SRSF7: variants seen among roughly 807,000 people sequenced by gnomAD.
SRSF7 encodes the protein serine and arginine rich splicing factor 7, also known as serine/arginine-rich splicing factor 7.
A neutral mutation model predicts 42.2 loss-of-function variants in SRSF7; 15 were observed. That is an observed-to-expected ratio of 0.36 (90% CI 0.24 to 0.55). SRSF7 has a LOEUF of 0.55. Ranked by LOEUF, SRSF7 falls within the 20% of genes least tolerant of loss-of-function variation. The probability of loss-of-function intolerance (pLI) is 0.88; values close to 1 mark genes in which losing one functional copy is unlikely to be tolerated. For synonymous variants in SRSF7, 138 were observed against 107.9 expected (o/e 1.28, Z -1.73); for missense variants, 181 against 305.9 (o/e 0.59, Z 3.04).
chr2:38,745,136 G>A lies in SRSF7; in HGVS notation c.714C>T (p.Asp238=). Residue 238 remains aspartate, a synonymous_variant, in exon 8 of 8, where the codon GAC becomes GAT. Coordinates refer to ENST00000313117, the MANE Select transcript of SRSF7 (RefSeq NM_001031684.3). ...PRRSASPERM[D] ...CTAAAGGGTGAACTTGAGAGCTTCA[G>A]TCCATTCTTTCAGGACTTGCACTTC... 6.2e-7 allele frequency: 1 copy of A among 1,614,142 alleles called. No homozygotes were observed. Among genetic ancestry groups the A allele is most frequent in the Admixed American group, 1.7e-5 (1 of 60,014 alleles).
At position 38,744,820 on chromosome 2, in the gene SRSF7, G is replaced by C; in HGVS notation, c.*313C>G. On this transcript the variant is annotated 3_prime_UTR_variant, in exon 8 of 8. Coordinates refer to ENST00000313117, the MANE Select transcript of SRSF7 (RefSeq NM_001031684.3). ...TCTGAATGTAGGTATGTATGAATAA[G>C]GTTAACAATTATAATGTCTGACTCT... 1 of 280,948 alleles carries C rather than the reference G, an allele frequency of 3.6e-6. No individual in the cohort carries two copies. 17.4% of individuals were successfully genotyped at this position (280,948 alleles called of 1,614,324 possible).
chr2:38,745,078 C>A lies in SRSF7; in HGVS notation c.*55G>T. The A allele has an allele frequency of 1.3e-6, 2 of 1,564,188 alleles. No individual in the cohort carries two copies. The highest frequency in any genetic ancestry group is 1.8e-6 in the Non-Finnish European group (2 of 1,137,076). On this transcript the variant is annotated 3_prime_UTR_variant, in exon 8 of 8. Coordinates refer to ENST00000313117, the MANE Select transcript of SRSF7 (RefSeq NM_001031684.3). ...GTTACACTTTACAGACATCACAAATCCCTTATAATAATGTAAACAAAATAA... is the reference window on the plus strand; with the variant it reads ...GTTACACTTTACAGACATCACAAATACCTTATAATAATGTAAACAAAATAA...
At chr2:38,746,890 A>G (rs1667503088) in intron 5 of SRSF7, 143 bp from the exon 6 acceptor site, 6 of 1,364,984 alleles carry the variant, frequency 4.4e-6, no homozygotes, top group Non-Finnish European at 4.9e-6. Context: ...TGTCTAACAC[A>G]CTGTCAAACA....
intron 1 of SRSF7, chr2:38,750,851 T>G: frequency 3.7e-6 from 1 of 273,450 alleles, no homozygotes; most frequent in South Asian, 4.0e-5. Context: ...TCCGCTGAAG[T>G]GGCGGGAAAG....
upstream of SRSF7, chr2:38,751,466 G>C (rs1572573765): frequency 1.6e-6 from 1 of 627,090 alleles, no homozygotes. Flanking sequence ...AAACAGCCAA[G>C]AAACGACGCG....
chr2:38,751,446 A>T (rs1351787215), upstream of SRSF7: 2 of 728,420 alleles, frequency 2.7e-6, no homozygotes, highest in South Asian at 1.7e-5. Flanking sequence ...GGCACAAAGG[A>T]GCTGGGCGGA....
chr2:38,749,960 TTATC>T, intron 2 of SRSF7, 50 bp downstream of exon 2: 3 of 1,534,374 alleles, frequency 2.0e-6, no homozygotes, highest in Non-Finnish European at 2.6e-6. Context: ...ACTAAGTTCA[TTATC>T]TAGCCACAGT....
Position 38,751,358 on chromosome 2 carries a change from C to A in SRSF7, c.-102G>T. The A allele has an allele frequency of 6.5e-7, 1 of 1,544,700 alleles. No individual in the cohort carries two copies. The highest frequency in any genetic ancestry group is 1.4e-5 in the African/African-American group (1 of 73,632). On this transcript the variant is annotated 5_prime_UTR_variant, in exon 1 of 8. Coordinates refer to ENST00000313117, the MANE Select transcript of SRSF7 (RefSeq NM_001031684.3). ...TCACCCGCCAAGAGTCCCGGCGGCA[C>A]TACGAGGAAGAGCCCGGGTTCGCGT...
Position 38,743,803 on chromosome 2 carries a change from T to G in SRSF7, c.*1330A>C. Reference sequence around the variant, plus strand: ...CTAGCGGTCAAACTACCGAATAAACTTGATGCAGACCAGTATTCCCAAGTT... The same window carrying G: ...CTAGCGGTCAAACTACCGAATAAACGTGATGCAGACCAGTATTCCCAAGTT... On this transcript the variant is annotated 3_prime_UTR_variant, in exon 8 of 8. Coordinates refer to ENST00000313117, the MANE Select transcript of SRSF7 (RefSeq NM_001031684.3). The G allele has an allele frequency of 6.6e-6, 1 of 152,554 alleles. No homozygotes were observed. Among genetic ancestry groups the G allele is most frequent in the Non-Finnish European group, 1.5e-5 (1 of 68,046 alleles). The allele number at this position is 152,554 out of a possible 1,614,324, so 9.5% of individuals were successfully genotyped here. A position where few individuals can be genotyped will look rare whatever the true frequency, so the allele number is the denominator to read the frequency against.
At chr2:38,749,056 G>C in intron 3 of SRSF7, 1 of 1,306,564 alleles carries the variant, frequency 7.7e-7, no homozygotes, top group Non-Finnish European at 1.0e-6. Context: ...ATTGACGCAA[G>C]AAGATTTTTC....
intron 3 of SRSF7, chr2:38,749,034 A>C: frequency 1.5e-6 from 2 of 1,299,320 alleles, no homozygotes; most frequent in Non-Finnish European, 2.0e-6. Context: ...CAAATGAGCC[A>C]GGTGAGGCTT....
intron 3 of SRSF7, 166 bp downstream of exon 3, chr2:38,749,362 CA>C: frequency 6.5e-7 from 1 of 1,541,832 alleles, no homozygotes. Context: ...AGGTTTTGAC[CA>C]GGTTGATTAT....
Position 38,744,988 on chromosome 2 carries a change from A to T in SRSF7, c.*145T>A. 1.3e-6 allele frequency: 1 copy of T among 745,378 alleles called. No homozygotes were observed. The highest frequency in any genetic ancestry group is 2.1e-6 in the Non-Finnish European group (1 of 468,512). 46.2% of individuals were successfully genotyped at this position (745,378 alleles called of 1,614,324 possible). On this transcript the variant is annotated 3_prime_UTR_variant, in exon 8 of 8. Coordinates refer to ENST00000313117, the MANE Select transcript of SRSF7 (RefSeq NM_001031684.3). The stretch of plus-strand genomic sequence containing the variant: ...CATTCAACAAAATTTATATTATCTT[A>T]CTGCTGTGAATTTACATAGTAATCC...
intron 1 of SRSF7, 120 bp downstream of exon 1, chr2:38,751,109 G>A: frequency 1.5e-6 from 2 of 1,341,830 alleles, no homozygotes; most frequent in Admixed American, 1.7e-5. Context: ...CGTCTGGCGT[G>A]CTCCTAAGCC....
chr2:38,748,542 A>C, intron 4 of SRSF7, 37 bp downstream of exon 4: 1 of 1,593,464 alleles, frequency 6.3e-7, no homozygotes, highest in Middle Eastern at 1.7e-4. Flanking sequence ...TGAATTTAAT[A>C]ATAATACAGA....
Position 38,745,128 on chromosome 2 carries a change from G to C in SRSF7, c.*5C>G. The C allele has an allele frequency of 1.9e-6, 3 of 1,613,922 alleles. No individual in the cohort carries two copies. Among genetic ancestry groups the C allele is most frequent in the East Asian group, 4.5e-5 (2 of 44,884 alleles). ...ACTTTTCCCTAAAGGGTGAACTTGA[G>C]AGCTTCAGTCCATTCTTTCAGGACT... On this transcript the variant is annotated 3_prime_UTR_variant, in exon 8 of 8. Transcript: ENST00000313117.
intron 5 of SRSF7, among the ~76,000 whole-genome samples, chr2:38,747,775 T>A (rs1572564001): frequency 6.6e-6 from 1 of 152,200 alleles, no homozygotes; most frequent in East Asian, 1.9e-4. Flanking sequence ...CAGAAAAGTT[T>A]ATAGCAACAT....
chr2:38,751,304 T>C lies in SRSF7; in HGVS notation c.-48A>G. 6.2e-7 allele frequency: 1 copy of C among 1,613,598 alleles called. No homozygotes were observed. The highest frequency in any genetic ancestry group is 1.3e-5 in the African/African-American group (1 of 75,012). On this transcript the variant is annotated 5_prime_UTR_variant, in exon 1 of 8. Transcript: ENST00000313117. Reference sequence around the variant, plus strand: ...CTCTTTAGCAAGCAGCGCCCAGGGCTCGAGTGACGCAAAAGCTGACACACA... The same window carrying C: ...CTCTTTAGCAAGCAGCGCCCAGGGCCCGAGTGACGCAAAAGCTGACACACA...
intron 3 of SRSF7, chr2:38,749,074 G>A: frequency 7.6e-7 from 1 of 1,308,274 alleles, no homozygotes; most frequent in African/African-American, 1.5e-5. Context: ...TTCTAGTTGG[G>A]AATGTGGTCA....
Sources: allele counts gnomAD v4.1 joint callset (sites outside exome capture counted in the v4.1 genomes callset), GRCh38; gene constraint gnomAD v4.1.1; transcripts MANE v1.5; gene names NCBI Gene and HGNC (gene_info 2026-07-23, HGNC 2026-07-21).